EIF2S1: variants seen among roughly 807,000 people sequenced by gnomAD.
EIF2S1 encodes eukaryotic translation initiation factor 2 subunit alpha.
A neutral mutation model predicts 33.5 loss-of-function variants in EIF2S1; 5 were observed. The observed-to-expected ratio is 0.15, with a 90% CI of 0.08 to 0.31. EIF2S1 has a LOEUF of 0.31. Among genes scored for constraint, EIF2S1 ranks in the 10% least tolerant of loss-of-function variants. The pLI is 1.00. For synonymous variants in EIF2S1, 99 were observed against 127.5 expected, an observed-to-expected ratio of 0.78 and a Z score of 1.51; for missense variants, 191 against 384.6, an observed-to-expected ratio of 0.50 and a Z score of 4.21.
chr14:67,377,043 A>G (rs752641493), intron 4 of EIF2S1, among the ~76,000 whole-genome samples: 1 of 152,076 alleles, frequency 6.6e-6, no homozygotes, highest in Non-Finnish European at 1.5e-5. Context: ...CTATTCATCT[A>G]GCTCCCAGTT....
intron 4 of EIF2S1, among the ~76,000 whole-genome samples, chr14:67,376,892 CT>C (rs1406779040): frequency 6.6e-6 from 1 of 152,198 alleles, no homozygotes; most frequent in Non-Finnish European, 1.5e-5. Flanking sequence ...TTCTCTACCT[CT>C]TTTGACTCTC....
intron 1 of EIF2S1, among the ~76,000 whole-genome samples, chr14:67,361,782 T>C (rs996292213): frequency 6.6e-6 from 1 of 152,236 alleles, no homozygotes; most frequent in Non-Finnish European, 1.5e-5. Context: ...ATATTGAGGT[T>C]CTGTGGGTTA....
In EIF2S1 at chr14:67,381,634, G is replaced by A. The variant is rs2085888305; in HGVS notation, c.622G>A (p.Val208Ile). Reference sequence around the variant, plus strand: ...TTATGGTTATGAAGGCATTGATGCTGTAAAAGAAGCCCTAAGAGCAGGTTT... The same window carrying A: ...TTATGGTTATGAAGGCATTGATGCTATAAAAGAAGCCCTAAGAGCAGGTTT... The part of the protein sequence containing the change: ...ACYGYEGIDA[V>I]KEALRAGLNC... Residue 208 changes from valine (V) to isoleucine (I), a missense_variant, in exon 6 of 8, where the codon GTA becomes ATA. Transcript: ENST00000256383. 5 of 1,613,540 alleles carry A rather than the reference G, an allele frequency of 3.1e-6. No homozygotes were observed. Among genetic ancestry groups the A allele is most frequent in the South Asian group, 2.2e-5 (2 of 91,054 alleles).
chr14:67,367,561 A>C (rs911359814), intron 2 of EIF2S1, among the ~76,000 whole-genome samples: 7 of 152,258 alleles, frequency 4.6e-5, no homozygotes, highest in Admixed American at 6.5e-5. Context: ...AGTGTTCTAC[A>C]CTTGGTCAGC....
chr14:67,380,348 G>T (rs575993039), intron 4 of EIF2S1, among the ~76,000 whole-genome samples: 1 of 152,042 alleles, frequency 6.6e-6, no homozygotes, highest in South Asian at 2.1e-4. Context: ...ATTCAAGATA[G>T]ATTATAAACT....
chr14:67,362,018 CTTTTTTCTTTTTTCTTTTTTTTTTT>C (rs1480741879), intron 1 of EIF2S1, among the ~76,000 whole-genome samples: 4 of 113,732 alleles, frequency 3.5e-5, no homozygotes, highest in African/African-American at 1.9e-4. Context: ...TTTTTTTTTT[CTTTTTTCTTTTTTCTTTTTTTTTTT>C]GAGACAGAGT....
At position 67,364,977 on chromosome 14, in the gene EIF2S1, T is replaced by C. The variant is rs753551182; in HGVS notation, c.210T>C (p.Cys70=). The C allele has an allele frequency of 6.2e-7, 1 of 1,613,466 alleles. No homozygotes were observed. The highest frequency in any genetic ancestry group is 1.1e-5 in the South Asian group (1 of 90,990). ...TCATCCGAATTGGCAGGAATGAGTGTGTGGTTGTCATTAGGGTGGACAAAG... is the reference window on the plus strand; with the variant it reads ...TCATCCGAATTGGCAGGAATGAGTGCGTGGTTGTCATTAGGGTGGACAAAG... ...NKLIRIGRNE[C]VVVIRVDKEK... The change falls in exon 2 of 8, where the codon TGT becomes TGC. Residue 70 remains cysteine (C), a synonymous_variant. Coordinates refer to ENST00000256383, the MANE Select transcript of EIF2S1 (RefSeq NM_004094.5).
chr14:67,368,008 G>T (rs533849368), intron 2 of EIF2S1, among the ~76,000 whole-genome samples: 1 of 152,202 alleles, frequency 6.6e-6, no homozygotes, highest in East Asian at 1.9e-4. Flanking sequence ...ATCTATAGAG[G>T]TGACTGAGTG....
In EIF2S1 at chr14:67,374,629, A is replaced by G. The variant is rs148575597; in HGVS notation, c.321+82A>G. 4.7e-5 allele frequency: 41 copies of G among 873,986 alleles called. No individual in the cohort carries two copies. In the African/African-American group the frequency reaches 5.9e-4, roughly 13 times the overall value. 54.1% of individuals were successfully genotyped at this position (873,986 alleles called of 1,614,324 possible). A position where few individuals can be genotyped will look rare whatever the true frequency, so the allele number is the denominator to read the frequency against. On this transcript the variant is annotated intron_variant, in intron 3 of 7. Transcript: ENST00000256383. ...GAAATCTTAATTTCATACTGCTACT[A>G]CCTTAAAGTATTGCTTATGATCTAA...
Position 67,376,425 on chromosome 14 carries a change from C to T in EIF2S1, c.322-14C>T. ...CTTATCTTTGAATTGTTGAGCTTTT[C>T]ATTTTATTTCTAGGTTTATAGCATT... On this transcript the variant is annotated splice_polypyrimidine_tract_variant and intron_variant, in intron 3 of 7. Coordinates refer to ENST00000256383, the MANE Select transcript of EIF2S1 (RefSeq NM_004094.5). The T allele has an allele frequency of 6.4e-7, 1 of 1,568,612 alleles. No homozygotes were observed. Among genetic ancestry groups the T allele is most frequent in the East Asian group, 2.3e-5 (1 of 44,148 alleles).
intron 2 of EIF2S1, among the ~76,000 whole-genome samples, chr14:67,373,263 C>G (rs530701240): frequency 1.3e-5 from 2 of 152,296 alleles, no homozygotes; most frequent in South Asian, 4.1e-4. Context: ...GGTTAAATGA[C>G]TGTTCTTTTT....
At chr14:67,363,974 G>A (rs2085758288) in intron 1 of EIF2S1, 2 of 152,178 alleles carry the variant, frequency 1.3e-5, no homozygotes, top group South Asian at 4.1e-4. Context: ...AAAAGGAGTA[G>A]TGCTGAAAGT....
chr14:67,376,448 A>T lies in EIF2S1; in HGVS notation c.331A>T (p.Ile111Phe). ...KFTKSKTVYS[I>F]LRHVAEVLEY... ...TTCATTTTATTTCTAGGTTTATAGC[A>T]TTCTTCGTCATGTTGCTGAGGTGTT... Residue 111 changes from isoleucine to phenylalanine, a missense_variant, in exon 4 of 8, where the codon ATT becomes TTT. Coordinates refer to ENST00000256383, the MANE Select transcript of EIF2S1 (RefSeq NM_004094.5). The T allele has an allele frequency of 6.2e-7, 1 of 1,608,028 alleles. No homozygotes were observed. Among genetic ancestry groups the T allele is most frequent in the Non-Finnish European group, 8.5e-7 (1 of 1,177,198 alleles).
intron 2 of EIF2S1, among the ~76,000 whole-genome samples, chr14:67,367,001 G>A (rs2085783646): frequency 6.6e-6 from 1 of 152,142 alleles, no homozygotes. Flanking sequence ...AACTGGTGGT[G>A]ATAGTGGTGA....
chr14:67,373,073 T>C (rs2085834055), intron 2 of EIF2S1, among the ~76,000 whole-genome samples: 1 of 152,208 alleles, frequency 6.6e-6, no homozygotes, highest in African/African-American at 2.4e-5. Flanking sequence ...TTCTAACTGC[T>C]CCACATTGCT....
intron 2 of EIF2S1, among the ~76,000 whole-genome samples, chr14:67,366,317 C>T (rs941401870): frequency 2.0e-5 from 3 of 152,186 alleles, no homozygotes; most frequent in African/African-American, 7.2e-5. Flanking sequence ...AGCGATTCTC[C>T]TGCCTTGGCC....
At chr14:67,378,547 C>A (rs899425108) in intron 4 of EIF2S1, among the ~76,000 whole-genome samples, 3 of 152,168 alleles carry the variant, frequency 2.0e-5, no homozygotes, top group Non-Finnish European at 4.4e-5. Flanking sequence ...CTGGCTCCAT[C>A]CAGAGTTTGC....
At chr14:67,361,671 T>C (rs931058731) in intron 1 of EIF2S1, among the ~76,000 whole-genome samples, 2 of 152,264 alleles carry the variant, frequency 1.3e-5, no homozygotes, top group African/African-American at 4.8e-5. Context: ...TAACTGACTA[T>C]GCAGGGTATT....
chr14:67,377,828 C>T (rs1046654414), intron 4 of EIF2S1, among the ~76,000 whole-genome samples: 3 of 152,024 alleles, frequency 2.0e-5, no homozygotes, highest in Admixed American at 1.3e-4. Flanking sequence ...CCACACTTGG[C>T]TATGTGTGGT....
Sources: allele counts gnomAD v4.1 joint callset (sites outside exome capture counted in the v4.1 genomes callset), GRCh38; gene constraint gnomAD v4.1.1; transcripts MANE v1.5; gene names NCBI Gene and HGNC (gene_info 2026-07-23, HGNC 2026-07-21).